DLG2: variants seen among roughly 807,000 people sequenced by gnomAD.
DLG2 encodes the protein discs large MAGUK scaffold protein 2.
In DLG2, 45 loss-of-function variants were observed where a neutral mutation model predicts 132.5. The ratio of observed to expected loss-of-function variants is 0.34; its 90% CI spans 0.27 to 0.44. The LOEUF is 0.44. DLG2 is among the 20% of genes least tolerant of loss of function. The pLI is 1.00. For missense variants in DLG2, 1,045 were observed against 1,196.9 expected, an observed-to-expected ratio of 0.87 and a Z score of 1.87; for synonymous variants, 424 against 419.6, an observed-to-expected ratio of 1.01 and a Z score of -0.13.
intron 18 of DLG2, among the ~76,000 whole-genome samples, chr11:83,715,731 G>A (rs1469194457): frequency 6.6e-6 from 1 of 152,046 alleles, no homozygotes; most frequent in East Asian, 1.9e-4. Flanking sequence ...AGCAATCCAG[G>A]CCCGACCAGA....
intron 6 of DLG2, among the ~76,000 whole-genome samples, chr11:84,583,688 C>A (rs1420371739): frequency 1.3e-5 from 2 of 152,078 alleles, no homozygotes; most frequent in Non-Finnish European, 2.9e-5. Flanking sequence ...GATTTAACAA[C>A]TCTCCTAAAT....
chr11:85,458,647 T>C (rs2092500118), intron 3 of DLG2, among the ~76,000 whole-genome samples: 1 of 152,216 alleles, frequency 6.6e-6, no homozygotes, highest in Non-Finnish European at 1.5e-5. Context: ...CAAGGTCTTA[T>C]TTGTAGTTGA....
intron 8 of DLG2, among the ~76,000 whole-genome samples, chr11:84,247,488 T>C (rs991290658): frequency 7.2e-5 from 11 of 152,116 alleles, no homozygotes; most frequent in Non-Finnish European, 1.6e-4. Flanking sequence ...TCTTTCCTTG[T>C]TTCTGCTTGG....
rs186265345 is a variant in DLG2 at position 84,850,844 on chromosome 11, A to G, written c.357+260817T>C. Among the ~76,000 whole-genome samples the G allele has an allele frequency of 3.4e-3, 511 of 152,248 alleles. 4 individuals are homozygous for G. The highest frequency in any genetic ancestry group is 0.011 in the African/African-American group (459 of 41,580). On this transcript the variant is annotated intron_variant, in intron 6 of 27. Coordinates refer to ENST00000376104, the MANE Select transcript of DLG2 (RefSeq NM_001142699.3). ...TAGGAATAAATTTAGCAAAATAAGT[A>G]AAAGACTTGTATACCAAAATTACAA...
At chr11:84,752,314 C>T (rs190475037) in intron 6 of DLG2, among the ~76,000 whole-genome samples, 2 of 152,268 alleles carry the variant, frequency 1.3e-5, no homozygotes, top group East Asian at 1.9e-4. Context: ...TCTGCTTTCA[C>T]AGAGCTTACA....
intron 3 of DLG2, among the ~76,000 whole-genome samples, chr11:85,400,209 A>T (rs1345448177): frequency 6.6e-6 from 1 of 152,090 alleles, no homozygotes; most frequent in Non-Finnish European, 1.5e-5. Flanking sequence ...CATCAGAGAA[A>T]TGCAAATCAA....
At chr11:84,292,212 G>A (rs998064198) in intron 7 of DLG2, among the ~76,000 whole-genome samples, 1 of 152,184 alleles carries the variant, frequency 6.6e-6, no homozygotes, top group Non-Finnish European at 1.5e-5. Context: ...AGACAAGAGA[G>A]GAAATGATTT....
chr11:85,198,458 C>T (rs2081220933), intron 4 of DLG2, among the ~76,000 whole-genome samples: 1 of 152,022 alleles, frequency 6.6e-6, no homozygotes, highest in South Asian at 2.1e-4. Flanking sequence ...CCAGACATTA[C>T]TTATAAATTG....
At chr11:84,036,993 C>G (rs1294989047) in intron 11 of DLG2, among the ~76,000 whole-genome samples, 1 of 152,144 alleles carries the variant, frequency 6.6e-6, no homozygotes, top group Non-Finnish European at 1.5e-5. Flanking sequence ...AGATCATTAT[C>G]AATCTTGCTG....
At chr11:84,856,948 A>T (rs999799464) in intron 6 of DLG2, among the ~76,000 whole-genome samples, 1 of 152,028 alleles carries the variant, frequency 6.6e-6, no homozygotes, top group African/African-American at 2.4e-5. Context: ...AACCAAAAGT[A>T]TGTTTTGTCA....
intron 6 of DLG2, among the ~76,000 whole-genome samples, chr11:84,749,086 A>G (rs908681406): frequency 7.2e-5 from 11 of 152,160 alleles, no homozygotes; most frequent in Admixed American, 2.0e-4. Context: ...ATGATCTTTC[A>G]AGCTTTATAA....
intron 3 of DLG2, among the ~76,000 whole-genome samples, chr11:85,583,821 A>G (rs1449361738): frequency 1.3e-5 from 2 of 152,198 alleles, no homozygotes; most frequent in East Asian, 3.8e-4. Flanking sequence ...GGTGAAAACC[A>G]GCATTGAGAT....
intron 18 of DLG2, among the ~76,000 whole-genome samples, chr11:83,758,657 G>A (rs2093760069): frequency 6.6e-6 from 1 of 152,070 alleles, no homozygotes; most frequent in South Asian, 2.1e-4. Flanking sequence ...GGCATGCTTT[G>A]AGATTAAATG....
At chr11:84,181,674 T>C (rs2096132052) in intron 8 of DLG2, among the ~76,000 whole-genome samples, 1 of 151,926 alleles carries the variant, frequency 6.6e-6, no homozygotes, top group African/African-American at 2.4e-5. Context: ...AAAAAGTAAA[T>C]GAATGGAGAA....
chr11:85,628,118 G>A (rs1392120509), upstream of DLG2, among the ~76,000 whole-genome samples: 2 of 152,176 alleles, frequency 1.3e-5, no homozygotes, highest in South Asian at 2.1e-4. Flanking sequence ...GGCTAGTCGG[G>A]GCTGCTCTGA....
chr11:85,064,530 T>C (rs964425375), intron 6 of DLG2, among the ~76,000 whole-genome samples: 1 of 151,704 alleles, frequency 6.6e-6, no homozygotes, highest in Non-Finnish European at 1.5e-5. Context: ...ACCTATTTTA[T>C]CTCCTAATTA....
chr11:83,633,042 A>G, intron 19 of DLG2, 169 bp downstream of exon 19: 1 of 594,148 alleles, frequency 1.7e-6, no homozygotes, highest in Non-Finnish European at 3.0e-6. Flanking sequence ...ATTTAATCTA[A>G]TAACATTTCA....
At chr11:84,182,730 GAAGAA>G (rs2096171357) in intron 8 of DLG2, among the ~76,000 whole-genome samples, 1 of 151,916 alleles carries the variant, frequency 6.6e-6, no homozygotes, top group Non-Finnish European at 1.5e-5. Flanking sequence ...AAAGTAAGCA[GAAGAA>G]AAGAAGTAAA....
intron 18 of DLG2, among the ~76,000 whole-genome samples, chr11:83,718,707 T>C (rs1183918001): frequency 6.6e-6 from 1 of 151,946 alleles, no homozygotes; most frequent in Non-Finnish European, 1.5e-5. Flanking sequence ...GGAGGTGAAG[T>C]TGGGGAGCCC....
Sources: gnomAD v4.1 joint callset for allele counts (sites outside exome capture counted in the v4.1 genomes callset) on GRCh38, gnomAD v4.1.1 for gene constraint, MANE v1.5 for transcripts, NCBI Gene and HGNC (gene_info 2026-07-23, HGNC 2026-07-21) for gene names.